Variants in TMC5 observed in about 807,000 individuals in gnomAD.
TMC5 encodes transmembrane channel-like protein 5.
Under a neutral mutation model 110.5 loss-of-function variants are expected in TMC5, and 86 were observed. The observed-to-expected ratio is 0.78, with a 90% CI of 0.65 to 0.93. The LOEUF (loss-of-function observed/expected upper bound fraction) is 0.93. Among genes scored for constraint, TMC5 ranks in the 40% least tolerant of loss-of-function variants. The probability of loss-of-function intolerance (pLI) is 0.00; values close to 1 mark genes in which losing one functional copy is unlikely to be tolerated. For missense variants in TMC5, 1,144 were observed against 1,222.8 expected (o/e 0.94, Z 0.96); for synonymous variants, 455 against 439.5 (o/e 1.04, Z -0.44).
chr16:19,493,040 C>A (rs375486525), intron 19 of TMC5, among the ~76,000 whole-genome samples: 1 of 150,376 alleles, frequency 6.6e-6, no homozygotes, highest in African/African-American at 2.4e-5. Context: ...TGGCTCACTG[C>A]AACCTCCGCC....
At chr16:19,415,426 G>A (rs890939013), upstream of TMC5, among the ~76,000 whole-genome samples, 1 of 152,132 alleles carries the variant, frequency 6.6e-6, no homozygotes, top group Non-Finnish European at 1.5e-5. Flanking sequence ...GCTTGCAGAT[G>A]GGGTGGGGTT....
intron 9 of TMC5, among the ~76,000 whole-genome samples, chr16:19,469,281 G>A (rs1257651713): frequency 1.3e-5 from 2 of 151,772 alleles, no homozygotes; most frequent in Non-Finnish European, 2.9e-5. Flanking sequence ...TTGAACCTTG[G>A]AGGTGGAGGT....
intron 2 of TMC5, 126 bp downstream of exon 2, chr16:19,430,766 A>G (rs1051877781): frequency 6.6e-6 from 1 of 152,072 alleles, no homozygotes; most frequent in African/African-American, 2.4e-5. Context: ...GTCAATTGTG[A>G]TAGCTGCCAT....
At position 19,458,930 on chromosome 16, in the gene TMC5, A is replaced by C. The variant is rs183450186; in HGVS notation, c.1049-1305A>C. On this transcript the variant is annotated intron_variant, in intron 5 of 21. Coordinates refer to ENST00000542583, the MANE Select transcript of TMC5 (RefSeq NM_001261841.2). ...GTCCCTCAGCCACCCTCGGCACGGT[A>C]TCGCTGCCCCGCCTGCTGGCTTCTT... 6.6e-5 allele frequency among the ~76,000 whole-genome samples: 10 copies of C among 152,284 alleles called. No homozygotes were observed. In the East Asian group the frequency reaches 1.9e-3, roughly 29 times the overall value.
At chr16:19,495,801 C>T (rs936008298) in intron 20 of TMC5, among the ~76,000 whole-genome samples, 1 of 151,678 alleles carries the variant, frequency 6.6e-6, no homozygotes, top group Admixed American at 6.6e-5. Context: ...ATCCCATCAC[C>T]GCACTCCAGC....
At chr16:19,420,165 G>C (rs920567929) in intron 1 of TMC5, among the ~76,000 whole-genome samples, 10 of 152,024 alleles carry the variant, frequency 6.6e-5, no homozygotes, top group Non-Finnish European at 1.3e-4. Context: ...GGTGGGTCAC[G>C]TCTGTAATCC....
At chr16:19,415,052 GA>G (rs1201249955), upstream of TMC5, among the ~76,000 whole-genome samples, 4 of 152,120 alleles carry the variant, frequency 2.6e-5, no homozygotes, top group African/African-American at 9.7e-5. Flanking sequence ...AGCAAATACT[GA>G]AAAGTATCTC....
chr16:19,412,833 C>G (rs997799230), intron 1 of TMC5, among the ~76,000 whole-genome samples: 2 of 152,004 alleles, frequency 1.3e-5, no homozygotes, highest in Non-Finnish European at 2.9e-5. Context: ...TCCTTGAACC[C>G]CTTCTCATCT....
In TMC5 at chr16:19,476,841, G is replaced by C. The variant is rs143288836; in HGVS notation, c.2091-599G>C. ...GACCTTCTTATGTTAGTTACTGAGG[G>C]ATCCAGGCTCAGAGAGAAGCAGCCA... On this transcript the variant is annotated intron_variant, in intron 12 of 21. Coordinates refer to ENST00000542583, the MANE Select transcript of TMC5 (RefSeq NM_001261841.2). The C allele has an allele frequency of 5.2e-3, 800 of 154,192 alleles. 4 individuals are homozygous for C. Among genetic ancestry groups the C allele is most frequent in the Middle Eastern group, 0.017 (5 of 298 alleles). 9.6% of individuals were successfully genotyped at this position (154,192 alleles called of 1,614,324 possible).
intron 1 of TMC5, among the ~76,000 whole-genome samples, chr16:19,412,328 T>C (rs1966857655): frequency 6.6e-6 from 1 of 151,470 alleles, no homozygotes; most frequent in Admixed American, 6.6e-5. Flanking sequence ...TGCCTCAGCC[T>C]CCTAAAGTGC....
At chr16:19,465,107 TCCTTCCTC>T (rs1205195644) in intron 8 of TMC5, among the ~76,000 whole-genome samples, 80 of 86,024 alleles carry the variant, frequency 9.3e-4, no homozygotes, top group Middle Eastern at 5.6e-3. Flanking sequence ...CTTCCTTCCT[TCCTTCCTC>T]CCTCCCTCCC....
intron 14 of TMC5, among the ~76,000 whole-genome samples, chr16:19,480,066 C>G (rs577532500): frequency 1.3e-5 from 2 of 152,210 alleles, no homozygotes; most frequent in African/African-American, 4.8e-5. Context: ...ACACATTGCT[C>G]TGTGTGTGTC....
chr16:19,447,906 C>T (rs917200718), intron 4 of TMC5, among the ~76,000 whole-genome samples: 13 of 137,072 alleles, frequency 9.5e-5, no homozygotes, highest in African/African-American at 1.6e-4. Context: ...TGCTAAGACA[C>T]ACACCCAGGG....
At chr16:19,421,996 C>T (rs1005267393) in intron 1 of TMC5, among the ~76,000 whole-genome samples, 11 of 151,846 alleles carry the variant, frequency 7.2e-5, no homozygotes, top group Middle Eastern at 3.2e-3. Context: ...TTTGGAAGGC[C>T]GAGGTGGGCG....
intron 20 of TMC5, among the ~76,000 whole-genome samples, chr16:19,494,624 T>C (rs1969003364): frequency 6.6e-6 from 1 of 152,152 alleles, no homozygotes; most frequent in South Asian, 2.1e-4. Flanking sequence ...CTGGCCAATA[T>C]GGTGAAACCC....
intron 20 of TMC5, among the ~76,000 whole-genome samples, 195 bp downstream of exon 20, chr16:19,494,561 C>A (rs1223209969): frequency 6.6e-6 from 1 of 152,182 alleles, no homozygotes; most frequent in African/African-American, 2.4e-5. Context: ...GTAATCCCAG[C>A]ACTTTGGGAG....
At chr16:19,430,684 C>T (rs1052443459) in intron 2 of TMC5, 44 bp downstream of exon 2, 1 of 151,944 alleles carries the variant, frequency 6.6e-6, no homozygotes, top group African/African-American at 2.4e-5. Context: ...AATAAACTAC[C>T]CTTCTTTTTG....
At chr16:19,456,030 AC>A (rs1309162810) in intron 5 of TMC5, among the ~76,000 whole-genome samples, 1 of 151,244 alleles carries the variant, frequency 6.6e-6, no homozygotes, top group African/African-American at 2.4e-5. Context: ...ACGTGGTGAA[AC>A]CCCGTCTCTA....
At chr16:19,447,488 G>C (rs1967639773) in intron 4 of TMC5, among the ~76,000 whole-genome samples, 1 of 152,248 alleles carries the variant, frequency 6.6e-6, no homozygotes, top group South Asian at 2.1e-4. Flanking sequence ...ATATATATTA[G>C]AGTTTAATAT....
Sources: allele counts gnomAD v4.1 joint callset (sites outside exome capture counted in the v4.1 genomes callset), GRCh38; gene constraint gnomAD v4.1.1; transcripts MANE v1.5; gene names NCBI Gene and HGNC (gene_info 2026-07-23, HGNC 2026-07-21).